Variants in DPP6 observed in about 807,000 individuals in gnomAD.
The protein encoded by DPP6 is dipeptidyl peptidase like 6, also known as A-type potassium channel modulatory protein DPP6.
In DPP6, 69 loss-of-function variants were observed where a neutral mutation model predicts 122.6. That is an observed-to-expected ratio of 0.56 (90% CI 0.46 to 0.69). The LOEUF (loss-of-function observed/expected upper bound fraction) is 0.69, where lower values mean the gene tolerates loss of function less well. Ranked by LOEUF, DPP6 falls within the 30% of genes least tolerant of loss-of-function variation. DPP6 has a pLI of 0.00. For synonymous variants in DPP6, 418 were observed against 433.1 expected (o/e 0.97, Z 0.43); for missense variants, 928 against 1,116.9 (o/e 0.83, Z 2.41).
intron 1 of DPP6, among the ~76,000 whole-genome samples, chr7:154,375,588 G>C (rs180696177): frequency 6.6e-6 from 1 of 152,076 alleles, no homozygotes; most frequent in Non-Finnish European, 1.5e-5. Context: ...AGGAAGAGAC[G>C]CCAGTGCTTT....
At chr7:154,559,071 C>T (rs1481288151) in intron 4 of DPP6, among the ~76,000 whole-genome samples, 3 of 151,662 alleles carry the variant, frequency 2.0e-5, no homozygotes, top group Non-Finnish European at 4.4e-5. Context: ...AAACAGAACT[C>T]CTGATAACAA....
rs146476574 is a variant in DPP6, at chr7:154,766,213, C to T, written c.884-3204C>T. On this transcript the variant is annotated intron_variant, in intron 8 of 25. Transcript: ENST00000377770. Reference sequence around the variant, plus strand: ...AGGTTCTTCGCATGTGCCACTGTCTCGATGTGGAATGACATTCAGAGGAAC... The same window carrying T: ...AGGTTCTTCGCATGTGCCACTGTCTTGATGTGGAATGACATTCAGAGGAAC... 3.4e-3 allele frequency among the ~76,000 whole-genome samples: 524 copies of T among 152,302 alleles called. 3 individuals are homozygous for T. Among genetic ancestry groups the T allele is most frequent in the African/African-American group, 0.012 (494 of 41,560 alleles).
At chr7:154,745,621 A>C (rs1843002808) in intron 8 of DPP6, among the ~76,000 whole-genome samples, 1 of 152,238 alleles carries the variant, frequency 6.6e-6, no homozygotes, top group African/African-American at 2.4e-5. Context: ...TGTGCAAGAC[A>C]CATGCACCAG....
At chr7:153,961,648 C>T (rs897136723) in intron 1 of DPP6, among the ~76,000 whole-genome samples, 9 of 151,614 alleles carry the variant, frequency 5.9e-5, no homozygotes, top group East Asian at 5.8e-4. Context: ...TACATTGTAA[C>T]GTATAATGAA....
intron 4 of DPP6, among the ~76,000 whole-genome samples, chr7:154,545,573 T>C (rs890698534): frequency 2.0e-5 from 3 of 151,416 alleles, no homozygotes; most frequent in Admixed American, 2.0e-4. Flanking sequence ...CTGAACTAAA[T>C]AGATTTCTTG....
At chr7:154,764,342 C>T (rs1411973486) in intron 8 of DPP6, among the ~76,000 whole-genome samples, 11 of 151,372 alleles carry the variant, frequency 7.3e-5, no homozygotes, top group African/African-American at 1.7e-4. Flanking sequence ...CTGTAACCTG[C>T]GTGGCCAATG....
At chr7:153,838,197 C>A in the DPP6 span, among the ~76,000 whole-genome samples, 6,947 of 152,140 alleles carry the variant, frequency 0.046, 350 homozygotes, top group East Asian at 0.24. Flanking sequence ...CCAGGAATCC[C>A]ATGCATAAGG....
At chr7:154,236,302 T>C (rs1302562214) in intron 1 of DPP6, among the ~76,000 whole-genome samples, 2 of 152,212 alleles carry the variant, frequency 1.3e-5, no homozygotes, top group Non-Finnish European at 2.9e-5. Flanking sequence ...ATATATCATA[T>C]TCTGCTTTTT....
At chr7:154,380,469 A>G (rs1031388853) in intron 1 of DPP6, among the ~76,000 whole-genome samples, 3 of 152,230 alleles carry the variant, frequency 2.0e-5, no homozygotes, top group Admixed American at 6.5e-5. Context: ...TGTGTTCTCC[A>G]TTCAGCTTCT....
At chr7:154,398,017 C>A (rs894328917) in intron 1 of DPP6, among the ~76,000 whole-genome samples, 1 of 152,096 alleles carries the variant, frequency 6.6e-6, no homozygotes, top group South Asian at 2.1e-4. Flanking sequence ...TTTACCCAAC[C>A]ACTGTGATGC....
chr7:154,415,705 C>T (rs1293387739), intron 1 of DPP6, among the ~76,000 whole-genome samples: 3 of 148,052 alleles, frequency 2.0e-5, no homozygotes, highest in East Asian at 2.0e-4. Context: ...TTGATAGTAG[C>T]GTTGGGCAGT....
intron 5 of DPP6, among the ~76,000 whole-genome samples, chr7:154,623,635 GCA>G (rs1302218755): frequency 1.4e-4 from 14 of 99,532 alleles, no homozygotes; most frequent in East Asian, 3.4e-4. Flanking sequence ...ACACATGCGT[GCA>G]CACACGCGCA....
At position 154,827,473 on chromosome 7, in the gene DPP6, G is replaced by A. The variant is rs548650739; in HGVS notation, c.1666+20361G>A. Reference sequence around the variant, plus strand: ...AGCCAGGAGGTGGAGGCATCTGCCCGCCTGGGAGCACCTGGGCTGTGGAGT... The same window carrying A: ...AGCCAGGAGGTGGAGGCATCTGCCCACCTGGGAGCACCTGGGCTGTGGAGT... On this transcript the variant is annotated intron_variant, in intron 16 of 25. Coordinates refer to ENST00000377770, the MANE Select transcript of DPP6 (RefSeq NM_130797.4). Among the ~76,000 whole-genome samples the A allele has an allele frequency of 5.3e-5, 8 of 152,204 alleles. No homozygotes were observed. In the South Asian group the frequency reaches 8.3e-4, roughly 16 times the overall value.
At chr7:153,991,666 C>G (rs1452103527) in intron 1 of DPP6, among the ~76,000 whole-genome samples, 1 of 152,162 alleles carries the variant, frequency 6.6e-6, no homozygotes, top group Non-Finnish European at 1.5e-5. Context: ...GCCCAAGGGA[C>G]CAGTCTGGAG....
At chr7:154,637,624 C>G (rs1415135346) in intron 5 of DPP6, among the ~76,000 whole-genome samples, 197 bp from the exon 6 acceptor site, 1 of 152,154 alleles carries the variant, frequency 6.6e-6, no homozygotes, top group African/African-American at 2.4e-5. Context: ...GCCCTATAAA[C>G]CATTGCAAAT....
At chr7:153,865,582 T>C in the DPP6 span, among the ~76,000 whole-genome samples, 1 of 152,226 alleles carries the variant, frequency 6.6e-6, no homozygotes, top group African/African-American at 2.4e-5. Flanking sequence ...GTACCTCTTA[T>C]TTAACTTTTA....
chr7:154,798,555 C>T (rs1336080418), intron 12 of DPP6, among the ~76,000 whole-genome samples: 1 of 152,214 alleles, frequency 6.6e-6, no homozygotes, highest in East Asian at 1.9e-4. Flanking sequence ...GAGTTGGAAA[C>T]ATAAGGTTCT....
At chr7:154,058,809 G>GGA in intron 1 of DPP6, 2 of 149,362 alleles carry the variant, frequency 1.3e-5, no homozygotes, top group Admixed American at 6.8e-5. Flanking sequence ...CCCCACGACA[G>GGA]TGGGGACTGA....
At chr7:153,883,480 T>C (rs2128989766), upstream of DPP6, among the ~76,000 whole-genome samples, 1 of 152,278 alleles carries the variant, frequency 6.6e-6, no homozygotes, top group South Asian at 2.1e-4. Context: ...CCTCCCGGGT[T>C]CAAGCAATTC....
Sources: allele counts gnomAD v4.1 joint callset (sites outside exome capture counted in the v4.1 genomes callset), GRCh38; gene constraint gnomAD v4.1.1; transcripts MANE v1.5; gene names NCBI Gene and HGNC (gene_info 2026-07-23, HGNC 2026-07-21).